The following TMEM235 variants were observed in gnomAD, a reference collection of about 807,000 sequenced individuals.
TMEM235 encodes claudin-27.
In TMEM235, 23 loss-of-function variants were observed where a neutral mutation model predicts 22.9. The ratio of observed to expected loss-of-function variants is 1.00; its 90% CI spans 0.72 to 1.42. The LOEUF (loss-of-function observed/expected upper bound fraction) is 1.42. Ranked by LOEUF, TMEM235 falls within the 40% of genes most tolerant of loss-of-function variation. The pLI is 0.00. For synonymous variants in TMEM235, 137 were observed against 140.5 expected (o/e 0.98, Z 0.17); for missense variants, 308 against 299.5 (o/e 1.03, Z -0.21).
At chr17:78,234,844 T>C in intron 4 of TMEM235, 114 bp downstream of exon 3, 1 of 1,389,862 alleles carries the variant, frequency 7.2e-7, no homozygotes, top group Non-Finnish European at 9.7e-7. Flanking sequence ...TCTGGGCGGG[T>C]GCTGAGTCTG....
At chr17:78,233,828 G>A (rs2076611340) in intron 2 of TMEM235, 67 bp from the exon 2 acceptor site, 1 of 1,474,752 alleles carries the variant, frequency 6.8e-7, no homozygotes, top group Non-Finnish European at 9.1e-7. Flanking sequence ...GGGTCCCCTG[G>A]GCTCGGGTAG....
rs1192871317 is a variant in TMEM235, at chr17:78,234,469, C to T, written c.272-124C>T. 5.0e-6 allele frequency: 7 copies of T among 1,403,104 alleles called. 1 individual carries two copies. Among genetic ancestry groups the T allele is most frequent in the South Asian group, 3.8e-5 (3 of 79,592 alleles). 86.9% of individuals were successfully genotyped at this position (1,403,104 alleles called of 1,614,324 possible). A position where few individuals can be genotyped will look rare whatever the true frequency, so the allele number is the denominator to read the frequency against. On this transcript the variant is annotated intron_variant, in intron 3 of 5. Coordinates refer to ENST00000421688, the Ensembl canonical transcript of TMEM235. ...GGCCACTGGGAGGGTCCAGTGGTGTCCACAGAGATGGGCGTCAGCCGCTTT... is the reference window on the plus strand; with the variant it reads ...GGCCACTGGGAGGGTCCAGTGGTGTTCACAGAGATGGGCGTCAGCCGCTTT...
chr17:78,236,005 C>T (rs2076638442), intron 4 of TMEM235, among the ~76,000 whole-genome samples: 1 of 152,212 alleles, frequency 6.6e-6, no homozygotes, highest in African/African-American at 2.4e-5. Flanking sequence ...AAGCCACTGC[C>T]ATGATCCAGT....
exon 6 of TMEM235, chr17:78,239,892 G>A (rs868121992): frequency 2.2e-5 from 34 of 1,551,290 alleles, no homozygotes; most frequent in South Asian, 1.4e-4. Flanking sequence ...CACTCTCCCC[G>A]AAGGGCAGGC....
Position 78,234,919 on chromosome 17 carries a change from C to T in TMEM235, c.409+189C>T, listed in dbSNP as rs150198010. Reference sequence around the variant, plus strand: ...AGGTACCCATGTATATTTGTTCTCACGTTGCTATAAAGAAATGCCTGAGAC... The same window carrying T: ...AGGTACCCATGTATATTTGTTCTCATGTTGCTATAAAGAAATGCCTGAGAC... On this transcript the variant is annotated intron_variant, in intron 4 of 5. Coordinates refer to ENST00000421688, the Ensembl canonical transcript of TMEM235. 1.2e-3 allele frequency among the ~76,000 whole-genome samples: 187 copies of T among 152,330 alleles called. No individual in the cohort carries two copies. In the Middle Eastern group the frequency reaches 0.014, roughly 11 times the overall value.
Position 78,231,615 on chromosome 17 carries a change from C to T in TMEM235, c.-409C>T, listed in dbSNP as rs1476719271. ...CTCCTGGGGTCGGTCTCTGGCCGAT[C>T]CTCCCTCCTCCTCTCAAGCCCTGCA... On this transcript the variant is annotated 5_prime_UTR_variant, in exon 2 of 6. Transcript: ENST00000421688. 3.1e-6 allele frequency: 4 copies of T among 1,303,582 alleles called. No individual in the cohort carries two copies. The highest frequency in any genetic ancestry group is 1.0e-6 in the Non-Finnish European group (1 of 988,238). The allele number at this position is 1,303,582 out of a possible 1,614,324, so 80.8% of individuals were successfully genotyped here.
chr17:78,231,560 G>A (rs1177790984), exon 2 of TMEM235: 1 of 1,304,052 alleles, frequency 7.7e-7, no homozygotes, highest in South Asian at 1.2e-5. Flanking sequence ...AGGAGCACGG[G>A]TGGGTGGTCC....
intron 2 of TMEM235, among the ~76,000 whole-genome samples, chr17:78,232,638 G>A (rs925884123): frequency 2.0e-5 from 3 of 152,078 alleles, no homozygotes; most frequent in Admixed American, 2.0e-4. Flanking sequence ...TGCCGCGGGG[G>A]CAGGGGTTCC....
Position 78,238,442 on chromosome 17 carries a change from C to T in TMEM235, c.410-582C>T, listed in dbSNP as rs576304972. On this transcript the variant is annotated intron_variant, in intron 4 of 5. Coordinates refer to ENST00000421688, the Ensembl canonical transcript of TMEM235. The surrounding 1 kb of genome is among the most constrained non-coding windows in gnomAD (Gnocchi z 4.3). ...GTCAGAGGGAGGGGGATGTTAGCCC[C>T]GGAGGTAGGGAGGGCAAAGGTGTGA... is the stretch of plus-strand genomic sequence containing the variant. Among the ~76,000 whole-genome samples the T allele has an allele frequency of 4.0e-5, 6 of 151,628 alleles. No homozygotes were observed. The South Asian group carries it at 8.3e-4, about 21-fold the overall frequency.
chr17:78,233,912 C>T, exon 3 of TMEM235: 1 of 1,535,966 alleles, frequency 6.5e-7, no homozygotes, highest in South Asian at 1.2e-5. Flanking sequence ...CGGCTGCATC[C>T]CGCTGGTCGA....
rs1567875792 is a variant in TMEM235 at position 78,238,327 on chromosome 17, G to A, written c.410-697G>A. 2.0e-5 allele frequency among the ~76,000 whole-genome samples: 3 copies of A among 152,126 alleles called. No individual in the cohort carries two copies. ...CTTTGACCATGTGGAGAGCGGGAGGGAGGAGAGAGGAGGGCCCAGGGCAGG... is the reference window on the plus strand; with the variant it reads ...CTTTGACCATGTGGAGAGCGGGAGGAAGGAGAGAGGAGGGCCCAGGGCAGG... On this transcript the variant is annotated intron_variant, in intron 4 of 5. Transcript: ENST00000421688. This position sits in a 1 kb window ranked among gnomAD's most constrained non-coding sequence, Gnocchi z 4.3.
rs368345906 is a variant in TMEM235 at position 78,234,347 on chromosome 17, G to A, written c.272-246G>A. ...ACCTGGCTGGCACCTTCCACCTGGC[G>A]GGTTGGGGGACATGTGAGGCCTGGG... is the stretch of plus-strand genomic sequence containing the variant. On this transcript the variant is annotated intron_variant, in intron 3 of 5. Coordinates refer to ENST00000421688, the Ensembl canonical transcript of TMEM235. 194 of 711,052 alleles carry A rather than the reference G, an allele frequency of 2.7e-4. 7 individuals carry two copies. Among genetic ancestry groups the A allele is most frequent in the East Asian group, 1.7e-3 (62 of 36,740 alleles). 44.0% of individuals were successfully genotyped at this position (711,052 alleles called of 1,614,324 possible). A position where few individuals can be genotyped will look rare whatever the true frequency, so the allele number is the denominator to read the frequency against.
At position 78,231,612 on chromosome 17, in the gene TMEM235, G is replaced by A. The variant is rs996616352; in HGVS notation, c.-412G>A. On this transcript the variant is annotated 5_prime_UTR_variant, in exon 2 of 6. Transcript: ENST00000421688. ...ATCCTCCTGGGGTCGGTCTCTGGCC[G>A]ATCCTCCCTCCTCCTCTCAAGCCCT... 1 of 1,303,448 alleles carries A rather than the reference G, an allele frequency of 7.7e-7. No individual in the cohort carries two copies. The highest frequency in any genetic ancestry group is 5.6e-5 in the East Asian group (1 of 17,940). 80.7% of individuals were successfully genotyped at this position (1,303,448 alleles called of 1,614,324 possible). A position where few individuals can be genotyped will look rare whatever the true frequency, so the allele number is the denominator to read the frequency against.
At chr17:78,240,110 C>G in exon 6 of TMEM235, 3 of 1,346,780 alleles carry the variant, frequency 2.2e-6, no homozygotes, top group Non-Finnish European at 2.9e-6. Flanking sequence ...CTTCCGGCCC[C>G]CGACCCTTCC....
chr17:78,231,462 G>A (rs1439869204), exon 2 of TMEM235: 1 of 1,303,020 alleles, frequency 7.7e-7, no homozygotes, highest in Non-Finnish European at 1.0e-6. Context: ...CCCAGCCACT[G>A]CACTTCACCG....
chr17:78,233,703 A>T (rs2076609817), intron 2 of TMEM235, among the ~76,000 whole-genome samples, 192 bp from the exon 2 acceptor site: 1 of 151,862 alleles, frequency 6.6e-6, no homozygotes, highest in Non-Finnish European at 1.5e-5. Context: ...CTCAAAAAAA[A>T]AAAAAAGAAA....
chr17:78,232,227 G>A lies in TMEM235; in HGVS notation c.190+14G>A. On this transcript the variant is annotated intron_variant, in intron 2 of 5. Coordinates refer to ENST00000421688, the Ensembl canonical transcript of TMEM235. ...GCATCTGCGAAGGTAACCGGCCACCGCGCCGGCCCTCCTCCCTCCGCGACC... is the reference window on the plus strand; with the variant it reads ...GCATCTGCGAAGGTAACCGGCCACCACGCCGGCCCTCCTCCCTCCGCGACC... 2 of 1,441,292 alleles carry A rather than the reference G, an allele frequency of 1.4e-6. No individual in the cohort carries two copies. The highest frequency in any genetic ancestry group is 1.8e-6 in the Non-Finnish European group (2 of 1,101,448). 89.3% of individuals were successfully genotyped at this position (1,441,292 alleles called of 1,614,324 possible).
intron 5 of TMEM235, 103 bp downstream of exon 4, chr17:78,239,376 C>A: frequency 7.3e-7 from 1 of 1,369,282 alleles, no homozygotes; most frequent in Non-Finnish European, 9.7e-7. Context: ...TCGCTGGGGT[C>A]CTGGCCAGGA....
rs373537642 is a variant in TMEM235, at chr17:78,239,187, C to T, written c.573C>T (p.Ser191=). 64 of 1,543,148 alleles carry T rather than the reference C, an allele frequency of 4.1e-5. 1 individual carries two copies. Among genetic ancestry groups the T allele is most frequent in the African/African-American group, 2.2e-4 (16 of 73,064 alleles). The change falls in exon 5 of 6, where the codon AGC becomes AGT. Residue 191 remains serine (S), a synonymous_variant. Coordinates refer to ENST00000421688, the Ensembl canonical transcript of TMEM235. ...GCTCCTGTGCCTTGGAGGCATTCAG[C>T]GGAACCCTCCTGCTCTCAGCTGCCT... is the stretch of plus-strand genomic sequence containing the variant.
Sources: allele counts gnomAD v4.1 joint callset (sites outside exome capture counted in the v4.1 genomes callset), GRCh38; gene constraint gnomAD v4.1.1; non-coding constraint Gnocchi (gnomAD v3.1); transcripts MANE v1.5; gene names NCBI Gene and HGNC (gene_info 2026-07-23, HGNC 2026-07-21).